DPYD: variants seen among roughly 807,000 people sequenced by gnomAD.
DPYD encodes the protein dihydropyrimidine dehydrogenase [NADP(+)].
DPYD carries 109 observed loss-of-function variants against 116.2 expected under a neutral mutation model. The ratio of observed to expected loss-of-function variants is 0.94; its 90% CI spans 0.80 to 1.10. The LOEUF is 1.10. Ranked by LOEUF, DPYD falls within the 50% of genes least tolerant of loss-of-function variation. The probability of loss-of-function intolerance (pLI) is 0.00; values close to 1 mark genes in which losing one functional copy is unlikely to be tolerated. For synonymous variants in DPYD, 440 were observed against 432.0 expected (o/e 1.02, Z -0.23); for missense variants, 1,302 against 1,254.5 (o/e 1.04, Z -0.57).
At chr1:97,481,976 G>T (rs950148835) in intron 13 of DPYD, among the ~76,000 whole-genome samples, 2 of 152,106 alleles carry the variant, frequency 1.3e-5, no homozygotes, top group African/African-American at 4.8e-5. Flanking sequence ...AACCATCGTT[G>T]CATTGAAAGT....
chr1:97,221,853 C>T (rs1481634479), intron 19 of DPYD, among the ~76,000 whole-genome samples: 1 of 151,988 alleles, frequency 6.6e-6, no homozygotes, highest in African/African-American at 2.4e-5. Flanking sequence ...TTCATCTTGG[C>T]TCTCTTTAGC....
chr1:97,470,504 A>G (rs1207974365), intron 13 of DPYD, among the ~76,000 whole-genome samples: 4 of 152,156 alleles, frequency 2.6e-5, no homozygotes, highest in Non-Finnish European at 5.9e-5. Flanking sequence ...TATGGAAGTA[A>G]TATGTGCAAT....
At chr1:97,544,611 CTTT>C (rs1055559094) in intron 12 of DPYD, among the ~76,000 whole-genome samples, 6 of 148,830 alleles carry the variant, frequency 4.0e-5, no homozygotes, top group Non-Finnish European at 5.9e-5. Flanking sequence ...AAAATAATTT[CTTT>C]TTTTTTCCAG....
intron 13 of DPYD, among the ~76,000 whole-genome samples, chr1:97,464,884 C>T (rs1677230189): frequency 6.6e-6 from 1 of 152,120 alleles, no homozygotes; most frequent in Non-Finnish European, 1.5e-5. Flanking sequence ...GAGAAGAGGG[C>T]CACCATCCTC....
At chr1:97,080,248 C>T (rs182238897) in intron 22 of DPYD, among the ~76,000 whole-genome samples, 2 of 151,998 alleles carry the variant, frequency 1.3e-5, no homozygotes, top group Non-Finnish European at 2.9e-5. Flanking sequence ...AAGTGTCTCT[C>T]CACCCCCATG....
At chr1:97,321,050 G>T (rs1358642877) in intron 16 of DPYD, among the ~76,000 whole-genome samples, 9 of 100,866 alleles carry the variant, frequency 8.9e-5, no homozygotes, top group Non-Finnish European at 1.7e-4. Flanking sequence ...GCTGAAACTG[G>T]ATCCCTTCCT....
rs564935754 is a variant in DPYD at position 97,629,312 on chromosome 1, A to G, written c.851-34146T>C. Among the ~76,000 whole-genome samples, 6 of 152,138 alleles carry G rather than the reference A, an allele frequency of 3.9e-5. No homozygotes were observed. The South Asian group carries it at 1.0e-3, about 26-fold the overall frequency. On this transcript the variant is annotated intron_variant, in intron 8 of 22. Coordinates refer to ENST00000370192, the MANE Select transcript of DPYD (RefSeq NM_000110.4). ...TATTTGGGAGATAATCCCAGGAAAC[A>G]CCAATAGGAGGGTGGGCAAGTGAAA...
intron 16 of DPYD, among the ~76,000 whole-genome samples, chr1:97,352,345 C>T (rs928439505): frequency 6.6e-6 from 1 of 152,164 alleles, no homozygotes; most frequent in South Asian, 2.1e-4. Flanking sequence ...GGCCTGCTAC[C>T]TAATAGTTGC....
At chr1:97,786,350 T>C (rs562671938) in intron 3 of DPYD, among the ~76,000 whole-genome samples, 2 of 152,340 alleles carry the variant, frequency 1.3e-5, no homozygotes, top group East Asian at 1.9e-4. Context: ...TATGTAAAAA[T>C]GTGGACATTT....
rs535891419 is a variant in DPYD, at chr1:97,693,364, T to C, written c.681-1566A>G. ...ATCAAACACCATAAAATCAAAGCTG[T>C]ACACTAAAGGAGCTTCCCTCTAGTT... On this transcript the variant is annotated intron_variant, in intron 6 of 22. Coordinates refer to ENST00000370192, the MANE Select transcript of DPYD (RefSeq NM_000110.4). Among the ~76,000 whole-genome samples, 7 of 149,246 alleles carry C rather than the reference T, an allele frequency of 4.7e-5. No homozygotes were observed. The South Asian group carries it at 1.5e-3, about 32-fold the overall frequency.
intron 18 of DPYD, among the ~76,000 whole-genome samples, chr1:97,248,385 C>T (rs1393672980): frequency 6.6e-6 from 1 of 152,122 alleles, no homozygotes; most frequent in Non-Finnish European, 1.5e-5. Flanking sequence ...TGCCTGCTGC[C>T]ATCCATGTAA....
At chr1:97,313,367 G>T (rs1232495850) in intron 16 of DPYD, among the ~76,000 whole-genome samples, 1 of 151,916 alleles carries the variant, frequency 6.6e-6, no homozygotes, top group Non-Finnish European at 1.5e-5. Flanking sequence ...TATGTAATAT[G>T]CTATCCCTGT....
intron 16 of DPYD, among the ~76,000 whole-genome samples, chr1:97,360,017 C>CTGGA (rs762349426): frequency 1.1e-4 from 16 of 151,756 alleles, no homozygotes; most frequent in Admixed American, 7.9e-4. Flanking sequence ...GACTGGCAAA[C>CTGGA]TGGATATTCA....
At position 97,701,926 on chromosome 1, in the gene DPYD, G is replaced by A. The variant is rs1571214804; in HGVS notation, c.484-2379C>T. ...TATTCAGTGTTTTTATACATAAGGG[G>A]GAATATATGTTAACTAATGAGTTTA... On this transcript the variant is annotated intron_variant, in intron 5 of 22. Coordinates refer to ENST00000370192, the MANE Select transcript of DPYD (RefSeq NM_000110.4). 2.0e-5 allele frequency among the ~76,000 whole-genome samples: 3 copies of A among 151,536 alleles called. 1 individual carries two copies. Among genetic ancestry groups the A allele is most frequent in the Admixed American group, 2.0e-4 (3 of 15,190 alleles).
chr1:97,129,793 T>C (rs1363168604), intron 20 of DPYD, among the ~76,000 whole-genome samples: 2 of 152,328 alleles, frequency 1.3e-5, no homozygotes, highest in South Asian at 2.1e-4. Flanking sequence ...CTTTTTATTA[T>C]ACTTTGCAGT....
intron 16 of DPYD, among the ~76,000 whole-genome samples, chr1:97,333,791 A>G (rs954077869): frequency 6.6e-6 from 1 of 152,126 alleles, no homozygotes; most frequent in Admixed American, 6.5e-5. Context: ...AAGTGCTGGG[A>G]TTACAGGCAT....
intron 18 of DPYD, among the ~76,000 whole-genome samples, chr1:97,284,599 A>G (rs1294459032): frequency 6.6e-6 from 1 of 152,058 alleles, no homozygotes; most frequent in East Asian, 1.9e-4. Context: ...CAATTTTTTA[A>G]AGCATCAAAT....
chr1:97,475,709 G>A, intron 13 of DPYD, among the ~76,000 whole-genome samples: 1 of 152,178 alleles, frequency 6.6e-6, no homozygotes, highest in East Asian at 1.9e-4. Context: ...CTATGTTCCA[G>A]TAAGGCTTTA....
chr1:97,191,565 G>A (rs1658368690), intron 20 of DPYD, among the ~76,000 whole-genome samples: 1 of 152,128 alleles, frequency 6.6e-6, no homozygotes, highest in African/African-American at 2.4e-5. Flanking sequence ...TTCCATTTAT[G>A]TCATTGACAC....
Sources: gnomAD v4.1 joint callset for allele counts (sites outside exome capture counted in the v4.1 genomes callset) on GRCh38, gnomAD v4.1.1 for gene constraint, MANE v1.5 for transcripts, NCBI Gene and HGNC (gene_info 2026-07-23, HGNC 2026-07-21) for gene names.